Variants in FN1 observed in about 807,000 individuals in gnomAD.
The protein encoded by FN1 is fibronectin 1, also known as fibronectin.
In FN1, 106 loss-of-function variants were observed where a neutral mutation model predicts 297.3. The observed-to-expected ratio is 0.36, with a 90% CI of 0.30 to 0.42. The LOEUF (loss-of-function observed/expected upper bound fraction) is 0.42, where lower values mean the gene tolerates loss of function less well. Among genes scored for constraint, FN1 ranks in the 10% least tolerant of loss-of-function variants. The pLI is 1.00. For missense variants in FN1, 2,690 were observed against 3,124.9 expected (o/e 0.86, Z 3.32); for synonymous variants, 1,149 against 1,152.6 (o/e 1.00, Z 0.06).
At chr2:215,382,670 A>G (rs192312426) in intron 31 of FN1, among the ~76,000 whole-genome samples, 15 of 152,336 alleles carry the variant, frequency 9.8e-5, no homozygotes, top group Admixed American at 3.3e-4. Context: ...TTAAAAACAA[A>G]GACAACATAG....
intron 28 of FN1, among the ~76,000 whole-genome samples, chr2:215,385,381 GT>G (rs2058794969): frequency 6.6e-6 from 1 of 151,340 alleles, no homozygotes; most frequent in South Asian, 2.1e-4. Flanking sequence ...GGCCAACATG[GT>G]AAAATCCCAT....
chr2:215,397,497 T>C (rs2060444825), intron 22 of FN1, among the ~76,000 whole-genome samples, 183 bp downstream of exon 22: 1 of 152,160 alleles, frequency 6.6e-6, no homozygotes, highest in African/African-American at 2.4e-5. Flanking sequence ...TCTGATGCCA[T>C]AAAATATAAA....
chr2:215,394,607 G>A lies in FN1; in HGVS notation c.3717C>T (p.Pro1239=), dbSNP rs375698134. The stretch of plus-strand genomic sequence containing the variant: ...AAACACTGACATTGTACTCCAGGCC[G>A]GGACTCAGGTTATCAAAAGTGCAGG... ...QSSCTFDNLS[P]GLEYNVSVYT... is the part of the protein sequence containing the mutation. The change falls in exon 24 of 46, where the codon CCC becomes CCT. Residue 1239 remains proline (P), a synonymous_variant. Coordinates refer to ENST00000354785, the MANE Select transcript of FN1 (RefSeq NM_212482.4). The A allele has an allele frequency of 1.4e-5, 22 of 1,614,034 alleles. No homozygotes were observed. The African/African-American group carries it at 1.6e-4, about 12-fold the overall frequency.
intron 40 of FN1, among the ~76,000 whole-genome samples, chr2:215,371,309 A>G (rs1426545115): frequency 6.6e-6 from 1 of 152,006 alleles, no homozygotes. Context: ...AAATTAAATA[A>G]TATACGTTTT....
At chr2:215,387,015 T>C in intron 27 of FN1, 57 bp from the exon 28 acceptor site, 1 of 1,505,204 alleles carries the variant, frequency 6.6e-7, no homozygotes, top group Admixed American at 1.9e-5. Context: ...ACCACCAGTT[T>C]AGGAAGTGAG....
chr2:215,364,673 TAA>T, intron 44 of FN1: 1 of 604,076 alleles, frequency 1.7e-6, no homozygotes, highest in South Asian at 1.9e-5. Context: ...TTCTTTCTAC[TAA>T]GAGTAATAGA....
chr2:215,387,057 C>A (rs1425337590), intron 27 of FN1, 99 bp from the exon 28 acceptor site: 1 of 1,068,400 alleles, frequency 9.4e-7, no homozygotes, highest in Non-Finnish European at 1.4e-6. Flanking sequence ...GTACATCCAA[C>A]ATTTCGTTCC....
At chr2:215,419,109 A>T (rs986409316) in intron 12 of FN1, 133 bp downstream of exon 12, 3 of 712,074 alleles carry the variant, frequency 4.2e-6, no homozygotes, top group Non-Finnish European at 7.4e-6. Context: ...TCAATTGATT[A>T]TTAGATAATA....
chr2:215,386,873 G>C lies in FN1; in HGVS notation c.4428C>G (p.Ile1476Met). ...GATGATGGCGGATCCTGTAGCCAGT[G>C]ATGGTGGCTCGAGGAGCAATCCAGT... ...TVHWIAPRAT[I>M]TGYRIRHHPE... The change falls in exon 28 of 46, where the codon ATC becomes ATG. Residue 1476 changes from isoleucine (I) to methionine (M), a missense_variant. By Grantham distance (10) the Ile-to-Met change is conservative (BLOSUM62 1). Transcript: ENST00000354785. 1 of 1,613,866 alleles carries C rather than the reference G, an allele frequency of 6.2e-7. No homozygotes were observed. Among genetic ancestry groups the C allele is most frequent in the Non-Finnish European group, 8.5e-7 (1 of 1,179,912 alleles).
In FN1 at chr2:215,393,167, A is replaced by G. The variant is rs962014857; in HGVS notation, c.3833T>C (p.Ile1278Thr). 1.9e-6 allele frequency: 3 copies of G among 1,613,920 alleles called. No homozygotes were observed. Among genetic ancestry groups the G allele is most frequent in the East Asian group, 2.2e-5 (1 of 44,888 alleles). The change falls in exon 25 of 46, where the codon ATA (isoleucine) becomes ACA (threonine). Residue 1278 changes from isoleucine (I) to threonine (T), a missense_variant. Coordinates refer to ENST00000354785, the MANE Select transcript of FN1 (RefSeq NM_212482.4). ...PQLTDLSFVD[I>T]TDSSIGLRWT... is the part of the protein sequence containing the mutation. ...CCTCAGGCCGATGCTTGAATCGGTT[A>G]TATCAACAAAGCTTAGGTCAGTGAG...
intron 15 of FN1, among the ~76,000 whole-genome samples, chr2:215,408,810 T>C (rs892454694): frequency 6.6e-6 from 1 of 152,138 alleles, no homozygotes; most frequent in South Asian, 2.1e-4. Context: ...CCTCAAGTGA[T>C]CCACCAGCCT....
At chr2:215,421,957 C>G in intron 10 of FN1, 134 bp downstream of exon 10, 1 of 864,950 alleles carries the variant, frequency 1.2e-6, no homozygotes, top group Non-Finnish European at 1.9e-6. Context: ...TTACCATGCA[C>G]AGTAGACTAA....
At chr2:215,412,852 C>A (rs186347457) in intron 13 of FN1, among the ~76,000 whole-genome samples, 2 of 143,116 alleles carry the variant, frequency 1.4e-5, no homozygotes, top group Non-Finnish European at 3.0e-5. Context: ...CTCCTCTCTT[C>A]TCCACCTTCC....
intron 35 of FN1, among the ~76,000 whole-genome samples, 171 bp from the exon 36 acceptor site, chr2:215,376,845 T>A (rs1362609630): frequency 6.6e-6 from 1 of 152,160 alleles, no homozygotes; most frequent in Non-Finnish European, 1.5e-5. Flanking sequence ...TCAACTGTAA[T>A]TAGAAAATAG....
rs1346517261 is a variant in FN1 at position 215,424,322 on chromosome 2, A to G, written c.1040T>C (p.Val347Ala). 2 of 1,613,444 alleles carry G rather than the reference A, an allele frequency of 1.2e-6. No individual in the cohort carries two copies. The highest frequency in any genetic ancestry group is 1.3e-5 in the African/African-American group (1 of 74,910). ...TGAGTTGCCACCGTAAGTCTGGGTT[A>G]CAGCTACAATCATAATCAAAAGAGT... ...GNGVSCQETA[V>A]TQTYGGNSNG... Residue 347 changes from valine to alanine, a missense_variant, in exon 8 of 46, where the codon GTA (valine) becomes GCA (alanine). Around this residue, in one of 3 missense-constraint regions of FN1, gnomAD observed 876 missense variants for 1,058.1 expected, o/e 0.83. Transcript: ENST00000354785.
rs1459124095 is a variant in FN1, at chr2:215,372,127, G to C, written c.6496C>G (p.Pro2166Ala). 6.2e-7 allele frequency: 1 copy of C among 1,614,234 alleles called. No homozygotes were observed. The highest frequency in any genetic ancestry group is 8.5e-7 in the Non-Finnish European group (1 of 1,180,056). ...TATPIRHRPRPYPPNVGEEIQ... is the reference protein window; with the variant it reads ...TATPIRHRPRAYPPNVGEEIQ... Reference sequence around the variant, plus strand: ...TCCTCACCTACATTCGGCGGGTATGGTCTTGGCCTATGCCTTATGGGGGTG... The same window carrying C: ...TCCTCACCTACATTCGGCGGGTATGCTCTTGGCCTATGCCTTATGGGGGTG... The change falls in exon 40 of 46, where the codon CCA becomes GCA. Residue 2166 changes from proline to alanine, a missense_variant. Pro to Ala is a conservative substitution (Grantham distance 27). Around this residue, in one of 3 missense-constraint regions of FN1, gnomAD observed 1,743 missense variants for 1,945.2 expected, o/e 0.90. Coordinates refer to ENST00000354785, the MANE Select transcript of FN1 (RefSeq NM_212482.4).
At chr2:215,393,426 GA>G in intron 24 of FN1, 1 of 168,052 alleles carries the variant, frequency 6.0e-6, no homozygotes, top group Non-Finnish European at 1.0e-5. Context: ...TTCTTTTAGG[GA>G]ATATATATAT....
chr2:215,366,043 C>T (rs899160472), intron 42 of FN1, among the ~76,000 whole-genome samples: 1 of 143,878 alleles, frequency 7.0e-6, no homozygotes, highest in Admixed American at 7.2e-5. Flanking sequence ...GTCTCAAACT[C>T]GTGAGCTCAG....
At chr2:215,394,501 C>A (rs755397765) in intron 24 of FN1, 27 bp downstream of exon 24, 2 of 1,574,442 alleles carry the variant, frequency 1.3e-6, no homozygotes, top group South Asian at 1.1e-5. Flanking sequence ...GTGTCACTCT[C>A]AGGATAGCAG....
Sources: gnomAD v4.1 joint callset for allele counts (sites outside exome capture counted in the v4.1 genomes callset) on GRCh38, gnomAD v4.1.1 for gene constraint, gnomAD v4.1.1 regional missense constraint, MANE v1.5 for transcripts, NCBI Gene and HGNC (gene_info 2026-07-23, HGNC 2026-07-21) for gene names.